Variants in EFHC1 observed in about 807,000 individuals in gnomAD.
EFHC1 encodes the protein EF-hand domain containing 1, also known as EF-hand domain-containing protein 1.
In EFHC1, 53 loss-of-function variants were observed where a neutral mutation model predicts 69.9. That is an observed-to-expected ratio of 0.76 (90% CI 0.61 to 0.95). The LOEUF is 0.95. Among genes scored for constraint, EFHC1 ranks in the 40% least tolerant of loss-of-function variants. The probability of loss-of-function intolerance (pLI) is 0.00; values close to 1 mark genes in which losing one functional copy is unlikely to be tolerated. For synonymous variants in EFHC1, 256 were observed against 278.4 expected (o/e 0.92, Z 0.80); for missense variants, 739 against 798.7 (o/e 0.93, Z 0.90).
At chr6:52,478,034 C>T (rs1765581009) in intron 7 of EFHC1, among the ~76,000 whole-genome samples, 1 of 151,972 alleles carries the variant, frequency 6.6e-6, no homozygotes, top group South Asian at 2.1e-4. Context: ...CCCAAATGTC[C>T]AACAATGATA....
chr6:52,495,278 A>G lies in EFHC1; in HGVS notation c.*2937A>G, dbSNP rs767726725. 21 of 453,880 alleles carry G rather than the reference A, an allele frequency of 4.6e-5. No homozygotes were observed. Among genetic ancestry groups the G allele is most frequent in the Admixed American group, 1.2e-4 (5 of 42,544 alleles). The allele number at this position is 453,880 out of a possible 1,614,324, so 28.1% of individuals were successfully genotyped here. On this transcript the variant is annotated 3_prime_UTR_variant, in exon 11 of 11. Transcript: ENST00000371068. ...GGTACCCCAAATCTTATGCTCTCCA[A>G]ACTCCAGGGGACAGACACATGTCAA...
chr6:52,486,024 T>G (rs1472450073), intron 9 of EFHC1: 1 of 152,188 alleles, frequency 6.6e-6, no homozygotes, highest in Non-Finnish European at 1.5e-5. Flanking sequence ...CTGTCGCATC[T>G]TCTGTGCCTC....
At chr6:52,449,288 G>C (rs1210354102) in intron 3 of EFHC1, among the ~76,000 whole-genome samples, 1 of 151,976 alleles carries the variant, frequency 6.6e-6, no homozygotes, top group Non-Finnish European at 1.5e-5. Flanking sequence ...GGCTGAGGCA[G>C]GAGAATGGCG....
At chr6:52,462,373 AAGTT>A (rs1765188254) in intron 5 of EFHC1, among the ~76,000 whole-genome samples, 1 of 151,990 alleles carries the variant, frequency 6.6e-6, no homozygotes, top group Non-Finnish European at 1.5e-5. Context: ...ATTTCTTAAA[AAGTT>A]AGAAATCTAA....
intron 9 of EFHC1, chr6:52,483,678 G>A (rs1216392954): frequency 6.6e-6 from 1 of 152,216 alleles, no homozygotes; most frequent in Non-Finnish European, 1.5e-5. Context: ...CATGTCTTAT[G>A]GAAAGCTGCC....
intron 9 of EFHC1, among the ~76,000 whole-genome samples, chr6:52,481,205 G>A (rs1394307647): frequency 6.6e-6 from 1 of 152,082 alleles, no homozygotes; most frequent in Non-Finnish European, 1.5e-5. Flanking sequence ...GGGGATGTGA[G>A]GGGAAAAGAA....
chr6:52,473,680 G>A (rs1317782726), intron 7 of EFHC1, among the ~76,000 whole-genome samples: 1 of 152,158 alleles, frequency 6.6e-6, no homozygotes, highest in African/African-American at 2.4e-5. Flanking sequence ...CACTTGGGAG[G>A]CTGAGGCAGG....
At chr6:52,454,322 G>C in intron 5 of EFHC1, 35 bp downstream of exon 5, 1 of 1,613,420 alleles carries the variant, frequency 6.2e-7, no homozygotes, top group Admixed American at 1.7e-5. Flanking sequence ...TGTTACTTGG[G>C]ATGTTTTTAG....
At chr6:52,485,233 T>G (rs1349718872) in intron 9 of EFHC1, 2 of 152,228 alleles carry the variant, frequency 1.3e-5, no homozygotes, top group African/African-American at 4.8e-5. Context: ...CCGAAAGTTT[T>G]TTTCTGTAAT....
chr6:52,473,808 A>G (rs1453660996), intron 7 of EFHC1, among the ~76,000 whole-genome samples: 1 of 152,122 alleles, frequency 6.6e-6, no homozygotes, highest in Non-Finnish European at 1.5e-5. Flanking sequence ...ATTAAAATGG[A>G]TAAATTTGAT....
chr6:52,448,464 G>A (rs1244803928), intron 3 of EFHC1, among the ~76,000 whole-genome samples: 1 of 152,172 alleles, frequency 6.6e-6, no homozygotes, highest in Non-Finnish European at 1.5e-5. Flanking sequence ...TCCAGATACT[G>A]TCTGTCACAG....
chr6:52,467,757 C>T lies in EFHC1; in HGVS notation c.1138-1576C>T, dbSNP rs116373260. Among the ~76,000 whole-genome samples the T allele has an allele frequency of 5.6e-3, 851 of 152,238 alleles. 8 individuals are homozygous for T. Among genetic ancestry groups the T allele is most frequent in the African/African-American group, 0.019 (797 of 41,534 alleles). On this transcript the variant is annotated intron_variant, in intron 6 of 10. Coordinates refer to ENST00000371068, the MANE Select transcript of EFHC1 (RefSeq NM_018100.4). ...TATAGTGTTTGGTCAGTTTCTTTCC[C>T]GTACTTTCTCTATAATAAATAGCTC... is the stretch of plus-strand genomic sequence containing the variant.
chr6:52,432,816 C>T (rs1223287684), intron 2 of EFHC1, among the ~76,000 whole-genome samples: 1 of 151,932 alleles, frequency 6.6e-6, no homozygotes, highest in African/African-American at 2.4e-5. Flanking sequence ...TTCAGGAATG[C>T]TGATTATTCT....
chr6:52,454,802 C>T (rs1765003346), intron 5 of EFHC1, among the ~76,000 whole-genome samples: 1 of 152,202 alleles, frequency 6.6e-6, no homozygotes, highest in Middle Eastern at 3.4e-3. Context: ...TTAAAATTAC[C>T]TAGCATGGGC....
chr6:52,484,696 G>A (rs893488373), intron 9 of EFHC1: 2 of 152,266 alleles, frequency 1.3e-5, no homozygotes, highest in Admixed American at 6.5e-5. Context: ...ACCTCCAAGA[G>A]TCCTGGGATT....
intron 3 of EFHC1, among the ~76,000 whole-genome samples, chr6:52,439,808 G>C (rs1411864284): frequency 2.0e-5 from 3 of 152,014 alleles, no homozygotes; most frequent in Non-Finnish European, 4.4e-5. Flanking sequence ...AAAAGTAGAG[G>C]TGCTAGACCA....
intron 7 of EFHC1, among the ~76,000 whole-genome samples, chr6:52,471,587 C>T (rs79223974): frequency 0.041 from 6,224 of 152,126 alleles, 146 homozygotes; most frequent in Middle Eastern, 0.11. Flanking sequence ...AAACTTAAGC[C>T]GGGAGCAGTG....
intron 3 of EFHC1, among the ~76,000 whole-genome samples, chr6:52,449,736 G>A (rs972344282): frequency 2.6e-4 from 39 of 152,022 alleles, no homozygotes; most frequent in African/African-American, 8.9e-4. Context: ...CTAGCTAGTG[G>A]CCTATCTTTT....
intron 9 of EFHC1, chr6:52,485,180 G>A (rs962802495): frequency 2.6e-5 from 4 of 152,114 alleles, no homozygotes; most frequent in African/African-American, 9.7e-5. Flanking sequence ...AGCATTAAAG[G>A]CCCACTTCAT....
Sources: allele counts gnomAD v4.1 joint callset (sites outside exome capture counted in the v4.1 genomes callset), GRCh38; gene constraint gnomAD v4.1.1; transcripts MANE v1.5; gene names NCBI Gene and HGNC (gene_info 2026-07-23, HGNC 2026-07-21).